The following DOCK4 variants were observed in gnomAD, a reference collection of about 807,000 sequenced individuals.
DOCK4 encodes dedicator of cytokinesis protein 4.
Under a neutral mutation model 268.1 loss-of-function variants are expected in DOCK4, and 97 were observed. That is an observed-to-expected ratio of 0.36 (90% CI 0.31 to 0.43). The LOEUF (loss-of-function observed/expected upper bound fraction) is 0.43, where lower values mean the gene tolerates loss of function less well. Ranked by LOEUF, DOCK4 falls within the 20% of genes least tolerant of loss-of-function variation. The pLI is 1.00. For missense variants in DOCK4, 2,145 were observed against 2,455.7 expected (o/e 0.87, Z 2.67); for synonymous variants, 954 against 887.2 (o/e 1.08, Z -1.34).
At chr7:112,151,238 C>G (rs563518395) in intron 1 of DOCK4, among the ~76,000 whole-genome samples, 4 of 152,220 alleles carry the variant, frequency 2.6e-5, no homozygotes, top group African/African-American at 9.6e-5. Flanking sequence ...GCTGGTGGCC[C>G]ACCTTCAGTA....
chr7:111,829,809 C>T (rs77790637), intron 26 of DOCK4, among the ~76,000 whole-genome samples: 2,282 of 152,240 alleles, frequency 0.015, 66 homozygotes, highest in African/African-American at 0.052. Flanking sequence ...GATATCAAAA[C>T]CCAAAATTAC....
chr7:111,901,888 C>A, intron 13 of DOCK4, 87 bp from the exon 14 acceptor site: 1 of 949,650 alleles, frequency 1.1e-6, no homozygotes, highest in Non-Finnish European at 1.6e-6. Context: ...TTAGTTTATA[C>A]AATATACTGC....
intron 13 of DOCK4, among the ~76,000 whole-genome samples, chr7:111,910,453 C>T (rs1379844256): frequency 2.0e-5 from 3 of 152,142 alleles, no homozygotes; most frequent in Admixed American, 6.5e-5. Context: ...TGTACATGTA[C>T]GATACTTGCC....
At chr7:112,145,683 A>C (rs1332177750) in intron 1 of DOCK4, among the ~76,000 whole-genome samples, 1 of 152,120 alleles carries the variant, frequency 6.6e-6, no homozygotes, top group Non-Finnish European at 1.5e-5. Flanking sequence ...CCCTCTAGTA[A>C]GCCTTGCATT....
intron 1 of DOCK4, among the ~76,000 whole-genome samples, chr7:112,139,293 C>T (rs1216103103): frequency 4.6e-5 from 7 of 152,092 alleles, no homozygotes; most frequent in African/African-American, 1.7e-4. Flanking sequence ...ACAAAAAATA[C>T]CCCCAAAAAG....
chr7:111,772,356 G>C (rs1343069856), intron 36 of DOCK4, among the ~76,000 whole-genome samples: 1 of 152,120 alleles, frequency 6.6e-6, no homozygotes, highest in Non-Finnish European at 1.5e-5. Context: ...CTGGGTGATA[G>C]AGTGAGACCC....
intron 31 of DOCK4, among the ~76,000 whole-genome samples, 152 bp downstream of exon 31, chr7:111,790,305 G>T (rs1277947095): frequency 3.3e-5 from 5 of 152,158 alleles, no homozygotes; most frequent in African/African-American, 1.2e-4. Context: ...AAGTATCCAC[G>T]GCTGTGTGGC....
rs753651816 is a variant in DOCK4 at position 111,869,627 on chromosome 7, C to T, written c.2056G>A (p.Val686Met). 36 of 1,613,238 alleles carry T rather than the reference C, an allele frequency of 2.2e-5. No individual in the cohort carries two copies. Among genetic ancestry groups the T allele is most frequent in the Non-Finnish European group, 2.8e-5 (33 of 1,179,410 alleles). ...CGCTCTGCTTCTGTGATCCGGTCCA[C>T]GTACCATTTGAGCACTTTGATGAGA... ...RDLIKVLKWY[V>M]DRITEAERQE... Residue 686 changes from valine (V) to methionine (M), a missense_variant, in exon 21 of 53, where the codon GTG becomes ATG. Val to Met is a conservative substitution (Grantham distance 21). Coordinates refer to ENST00000428084, the MANE Select transcript of DOCK4 (RefSeq NM_001363540.2).
chr7:112,118,762 CAAGGGGAGAGG>C (rs555044793), intron 1 of DOCK4, among the ~76,000 whole-genome samples: 532 of 152,234 alleles, frequency 3.5e-3, no homozygotes, highest in Non-Finnish European at 4.8e-3. Context: ...GCCTGTTTGG[CAAGGGGAGAGG>C]AAGCAGGAGA....
intron 1 of DOCK4, among the ~76,000 whole-genome samples, chr7:112,179,525 TG>T (rs1367140884): frequency 2.3e-5 from 3 of 128,844 alleles, no homozygotes. Context: ...GTTGTTTTTT[TG>T]TTTTTTTTTT....
intron 6 of DOCK4, among the ~76,000 whole-genome samples, chr7:111,988,325 A>G (rs1799211901): frequency 6.6e-6 from 1 of 152,162 alleles, no homozygotes. Flanking sequence ...GGCTTATTCT[A>G]ATTTCTCACT....
rs146538220 is a variant in DOCK4 at position 111,796,664 on chromosome 7, G to A, written c.3167-6059C>T. Among the ~76,000 whole-genome samples, 882 of 152,136 alleles carry A rather than the reference G, an allele frequency of 5.8e-3. 7 individuals carry two copies. Among genetic ancestry groups the A allele is most frequent in the Non-Finnish European group, 8.5e-3 (579 of 67,996 alleles). Reference sequence around the variant, plus strand: ...TAACTAGAACCATTTTTTTTTAAAGGTAAGTGCTTTAGCATGGGCCATAAT... The same window carrying A: ...TAACTAGAACCATTTTTTTTTAAAGATAAGTGCTTTAGCATGGGCCATAAT... On this transcript the variant is annotated intron_variant, in intron 30 of 52. Transcript: ENST00000428084.
chr7:111,911,346 CAAAA>C (rs1046486311), intron 13 of DOCK4, among the ~76,000 whole-genome samples: 1 of 152,060 alleles, frequency 6.6e-6, no homozygotes. Context: ...CAAAGGAAAA[CAAAA>C]CAATGATTGC....
chr7:112,016,675 T>C (rs1364814910), intron 1 of DOCK4, among the ~76,000 whole-genome samples: 1 of 152,210 alleles, frequency 6.6e-6, no homozygotes, highest in African/African-American at 2.4e-5. Flanking sequence ...TGGGTTCTTT[T>C]TGAAGTGGAT....
At chr7:111,745,457 T>G (rs1395639398) in intron 44 of DOCK4, among the ~76,000 whole-genome samples, 1 of 151,406 alleles carries the variant, frequency 6.6e-6, no homozygotes, top group Non-Finnish European at 1.5e-5. Context: ...CTGAGGCGGG[T>G]GGATCACAAG....
chr7:111,862,905 C>A (rs1036052535), intron 23 of DOCK4: 3 of 171,006 alleles, frequency 1.8e-5, no homozygotes. Flanking sequence ...GTTATTTATT[C>A]GGGAAAAAAA....
chr7:112,046,864 G>C (rs1362690515), intron 1 of DOCK4, among the ~76,000 whole-genome samples: 1 of 152,164 alleles, frequency 6.6e-6, no homozygotes, highest in East Asian at 1.9e-4. Context: ...CCTGAGCTGA[G>C]AGAAAAAGAG....
intron 30 of DOCK4, among the ~76,000 whole-genome samples, chr7:111,791,026 C>G (rs1457106604): frequency 5.0e-5 from 7 of 140,834 alleles, no homozygotes; most frequent in Non-Finnish European, 9.0e-5. Context: ...CCACTGCACT[C>G]TAGCCTGGGT....
chr7:111,935,620 G>C lies in DOCK4; in HGVS notation c.986C>G (p.Thr329Arg). The C allele has an allele frequency of 6.2e-7, 1 of 1,613,486 alleles. No individual in the cohort carries two copies. Among genetic ancestry groups the C allele is most frequent in the Non-Finnish European group, 8.5e-7 (1 of 1,179,548 alleles). Residue 329 changes from threonine (T) to arginine (R), a missense_variant, in exon 12 of 53, where the codon ACA (threonine) becomes AGA (arginine). Thr to Arg is a moderately conservative substitution (Grantham distance 71). Coordinates refer to ENST00000428084, the MANE Select transcript of DOCK4 (RefSeq NM_001363540.2). ...ATGGATTTGGTACCACTCACTCTCT[G>C]TGTTACACCTATGAAAACATTAACA... is the stretch of plus-strand genomic sequence containing the variant. ...DLILKVYMCN[T>R]ESEWYQIHEN...
Sources: allele counts gnomAD v4.1 joint callset (sites outside exome capture counted in the v4.1 genomes callset), GRCh38; gene constraint gnomAD v4.1.1; transcripts MANE v1.5; gene names NCBI Gene and HGNC (gene_info 2026-07-23, HGNC 2026-07-21).